The following EDRF1 variants were observed in gnomAD, a reference collection of about 807,000 sequenced individuals.
The protein encoded by EDRF1 is erythroid differentiation-related factor 1.
In EDRF1, 69 loss-of-function variants were observed where a neutral mutation model predicts 148.7. The ratio of observed to expected loss-of-function variants is 0.46; its 90% confidence interval spans 0.38 to 0.57. The LOEUF (loss-of-function observed/expected upper bound fraction) is 0.57. Ranked by LOEUF, EDRF1 falls within the 20% of genes least tolerant of loss-of-function variation. EDRF1 has a pLI of 0.00. For missense variants in EDRF1, 1,118 were observed against 1,478.7 expected, an observed-to-expected ratio of 0.76 and a Z score of 4.00; for synonymous variants, 515 against 532.8, an observed-to-expected ratio of 0.97 and a Z score of 0.46.
chr10:125,762,187 T>C (rs1850222709), intron 24 of EDRF1, among the ~76,000 whole-genome samples: 1 of 152,210 alleles, frequency 6.6e-6, no homozygotes, highest in African/African-American at 2.4e-5. Flanking sequence ...CTCTGCATGC[T>C]GGCTGCTCTG....
In EDRF1 at chr10:125,733,644, G is replaced by A. The variant is rs750316894; in HGVS notation, c.1286G>A (p.Ser429Asn). The part of the protein sequence containing the change: ...HTYWLFKASG[S>N]DIVKLYDLTT... Reference sequence around the variant, plus strand: ...TTGTTTTTCTTTTCAGCAAGTGGCAGCGATATAGTGAAGCTCTATGACCTC... The same window carrying A: ...TTGTTTTTCTTTTCAGCAAGTGGCAACGATATAGTGAAGCTCTATGACCTC... Residue 429 changes from serine (S) to asparagine (N), a missense_variant, in exon 11 of 25, where the codon AGC becomes AAC. Transcript: ENST00000356792. 3.1e-6 allele frequency: 5 copies of A among 1,613,490 alleles called. No individual in the cohort carries two copies. The highest frequency in any genetic ancestry group is 2.2e-5 in the South Asian group (2 of 91,064).
At chr10:125,748,148 C>T (rs1342794296) in intron 21 of EDRF1, 136 bp downstream of exon 21, 3 of 1,028,156 alleles carry the variant, frequency 2.9e-6, no homozygotes, top group Non-Finnish European at 4.4e-6. Flanking sequence ...TTTTCTGCTG[C>T]GTCTGTGCCT....
chr10:125,723,776 T>A (rs762389200), intron 3 of EDRF1, 35 bp from the exon 4 acceptor site: 1 of 1,591,744 alleles, frequency 6.3e-7, no homozygotes, highest in South Asian at 1.1e-5. Flanking sequence ...ACTAAAACAG[T>A]CTTTCTAAAC....
rs1306793868 is a variant in EDRF1 at position 125,763,037 on chromosome 10, G to C, written c.3546-264G>C. ...TTTTGCCTGTTTTGTTCTCTGTCAA[G>C]AGCAATTCCTAGTACATAATAGGCA... On this transcript the variant is annotated intron_variant, in intron 24 of 24. Coordinates refer to ENST00000356792, the MANE Select transcript of EDRF1 (RefSeq NM_001202438.2). The surrounding 1 kb of genome is among the most constrained non-coding windows in gnomAD (Gnocchi z 4.3). Among the ~76,000 whole-genome samples, 3 of 152,024 alleles carry C rather than the reference G, an allele frequency of 2.0e-5. No individual in the cohort carries two copies. Among genetic ancestry groups the C allele is most frequent in the Non-Finnish European group, 4.4e-5 (3 of 68,024 alleles).
chr10:125,752,868 A>G lies in EDRF1; in HGVS notation c.3347A>G (p.His1116Arg). 6.2e-7 allele frequency: 1 copy of G among 1,614,104 alleles called. No homozygotes were observed. Among genetic ancestry groups the G allele is most frequent in the South Asian group, 1.1e-5 (1 of 91,082 alleles). ...CTTGATATAATGGTGAGAACTGAGC[A>G]CGCATTCCAGCTTATCCAGAAGGAG... ...GALDIMVRTE[H>R]AFQLIQKELI... The change falls in exon 23 of 25, where the codon CAC becomes CGC. Residue 1116 changes from histidine to arginine, a missense_variant. Transcript: ENST00000356792.
intron 16 of EDRF1, 30 bp from the exon 17 acceptor site, chr10:125,740,971 T>G (rs1848989271): frequency 1.2e-6 from 2 of 1,609,058 alleles, no homozygotes; most frequent in South Asian, 1.1e-5. Flanking sequence ...TGCATTTGTG[T>G]TTTTTCTTCT....
chr10:125,732,920 A>G (rs1208626526), intron 9 of EDRF1, among the ~76,000 whole-genome samples: 1 of 152,112 alleles, frequency 6.6e-6, no homozygotes, highest in Non-Finnish European at 1.5e-5. Flanking sequence ...AAGTCCATAG[A>G]TGAAGGGAAG....
At chr10:125,753,010 T>C in intron 23 of EDRF1, 96 bp downstream of exon 23, 1 of 821,180 alleles carries the variant, frequency 1.2e-6, no homozygotes, top group East Asian at 2.5e-5. Context: ...TGTGGGTATA[T>C]ATACACACAT....
At position 125,735,915 on chromosome 10, in the gene EDRF1, A is replaced by C. The variant is rs1411600829; in HGVS notation, c.1758+11A>C. 6.3e-7 allele frequency: 1 copy of C among 1,592,748 alleles called. No homozygotes were observed. Among genetic ancestry groups the C allele is most frequent in the Non-Finnish European group, 8.6e-7 (1 of 1,164,394 alleles). On this transcript the variant is annotated intron_variant, in intron 13 of 24. Transcript: ENST00000356792. ...ATTCATCAAATCAGAGTAAGCCTTT[A>C]GAATTTATATTAAATTTTTATCAAG...
chr10:125,753,965 C>A, intron 24 of EDRF1, 120 bp downstream of exon 24: 1 of 1,126,022 alleles, frequency 8.9e-7, no homozygotes, highest in East Asian at 2.5e-5. Flanking sequence ...CCTGCAATCC[C>A]AGCACTTTGG....
chr10:125,731,186 TG>T (rs2133690109), intron 9 of EDRF1, among the ~76,000 whole-genome samples: 1 of 152,266 alleles, frequency 6.6e-6, no homozygotes, highest in South Asian at 2.1e-4. Context: ...AATAAATAAT[TG>T]TTGAAGGAAA....
chr10:125,748,176 C>T, intron 21 of EDRF1, 164 bp downstream of exon 21: 1 of 798,402 alleles, frequency 1.3e-6, no homozygotes, highest in Non-Finnish European at 2.1e-6. Context: ...TGCTGTGCCA[C>T]TTAAACAATA....
intron 23 of EDRF1, 74 bp downstream of exon 23, chr10:125,752,988 T>A: frequency 1.0e-6 from 1 of 956,058 alleles, no homozygotes; most frequent in Non-Finnish European, 1.7e-6. Context: ...AGTGGACGTG[T>A]GTGTGTATGT....
Position 125,730,409 on chromosome 10 carries a change from A to G in EDRF1, c.1128+10A>G. On this transcript the variant is annotated intron_variant, in intron 9 of 24. Transcript: ENST00000356792. ...AAATGGAATTGTACAGGTAAGATAC[A>G]GTGTGATTTTTCTGATCTCTCAAAT... The G allele has an allele frequency of 1.9e-6, 3 of 1,604,432 alleles. No individual in the cohort carries two copies. Among genetic ancestry groups the G allele is most frequent in the Non-Finnish European group, 1.7e-6 (2 of 1,171,228 alleles).
intron 24 of EDRF1, chr10:125,757,146 T>G: frequency 2.9e-6 from 1 of 342,394 alleles, no homozygotes; most frequent in Non-Finnish European, 5.6e-6. Context: ...AGTCTTACAA[T>G]TGGTGTCTCT....
Position 125,745,718 on chromosome 10 carries a change from GTGTC to G in EDRF1, c.2605_2608del (p.Ser869LeufsTer55). The G allele has an allele frequency of 6.2e-7, 1 of 1,614,178 alleles. No homozygotes were observed. Among genetic ancestry groups the G allele is most frequent in the Non-Finnish European group, 8.5e-7 (1 of 1,180,014 alleles). ...CTTTCTCTGTAAAGTGAGCAAATCT[GTGTC>G]TGCTGCCGAGCAACAGTTGTGGAAA... On this transcript the variant is annotated frameshift_variant, in exon 19 of 25. Coordinates refer to ENST00000356792, the MANE Select transcript of EDRF1 (RefSeq NM_001202438.2). LOFTEE classifies it high-confidence loss of function.
At chr10:125,729,130 G>A in intron 7 of EDRF1, 26 bp downstream of exon 7, 1 of 1,540,152 alleles carries the variant, frequency 6.5e-7, no homozygotes, top group African/African-American at 1.4e-5. Flanking sequence ...TGTCCAAGGT[G>A]ACAGCAAATC....
At chr10:125,750,597 A>G (rs2133750552) in intron 22 of EDRF1, 1 of 152,352 alleles carries the variant, frequency 6.6e-6, no homozygotes, top group African/African-American at 2.4e-5. Flanking sequence ...TTTACATAAT[A>G]CAGTAGCCCC....
At chr10:125,756,708 C>A (rs183301968) in intron 24 of EDRF1, 2 of 347,828 alleles carry the variant, frequency 5.7e-6, no homozygotes, top group East Asian at 1.8e-4. Context: ...AGCTACTCAA[C>A]GTTCTTTTGG....
Sources: gnomAD v4.1 joint callset for allele counts (sites outside exome capture counted in the v4.1 genomes callset) on GRCh38, gnomAD v4.1.1 for gene constraint, Gnocchi (gnomAD v3.1) non-coding constraint, MANE v1.5 for transcripts, NCBI Gene and HGNC (gene_info 2026-07-23, HGNC 2026-07-21) for gene names.